Variants in ZEB2 observed in about 807,000 individuals in gnomAD.
ZEB2 encodes the protein zinc finger E-box binding homeobox 2, also known as zinc finger E-box-binding homeobox 2.
ZEB2 carries 6 observed loss-of-function variants against 99.9 expected under a neutral mutation model. The observed-to-expected ratio is 0.06, with a 90% CI of 0.03 to 0.12. The LOEUF (loss-of-function observed/expected upper bound fraction) is 0.12. Ranked by LOEUF, ZEB2 falls within the 10% of genes least tolerant of loss-of-function variation. The pLI is 1.00. For missense variants in ZEB2, 969 were observed against 1,502.8 expected (o/e 0.64, Z 5.87); for synonymous variants, 517 against 542.5 (o/e 0.95, Z 0.65).
intron 2 of ZEB2, chr2:144,470,567 C>A (rs746958772): frequency 2.0e-5 from 3 of 152,162 alleles, no homozygotes; most frequent in Non-Finnish European, 4.4e-5. Context: ...AGGGCTGTTA[C>A]ATTTACTTTG....
chr2:144,411,057 CTATATATATATATA>C lies in ZEB2; in HGVS notation c.404-6047_404-6034del, dbSNP rs4008310. On this transcript the variant is annotated intron_variant, in intron 4 of 9. Coordinates refer to ENST00000627532, the MANE Select transcript of ZEB2 (RefSeq NM_014795.4). ...GTGATTCTGCAATATACAGACATGT[CTATATATATATATA>C]TATATATATATATATATATATATAT... is the stretch of plus-strand genomic sequence containing the variant. 7.1e-3 allele frequency among the ~76,000 whole-genome samples: 288 copies of C among 40,782 alleles called. 8 individuals carry two copies. The South Asian group carries it at 0.11, about 16-fold the overall frequency. The allele number at this position is 40,782 out of a possible 152,430, so 26.8% of individuals were successfully genotyped here.
chr2:144,433,805 T>G (rs933698187), intron 2 of ZEB2, among the ~76,000 whole-genome samples: 1 of 152,208 alleles, frequency 6.6e-6, no homozygotes, highest in East Asian at 1.9e-4. Context: ...TCCTTGCCTA[T>G]ACATATAACT....
intron 2 of ZEB2, among the ~76,000 whole-genome samples, chr2:144,451,535 T>G (rs986994963): frequency 2.6e-5 from 4 of 152,208 alleles, no homozygotes; most frequent in African/African-American, 9.7e-5. Context: ...TAGGAAAACT[T>G]GGAAATTTTG....
At chr2:144,440,505 ATATATATATATTTTTTTTTTTTTTTTTTT>A (rs1209531637) in intron 2 of ZEB2, among the ~76,000 whole-genome samples, 2 of 15,644 alleles carry the variant, frequency 1.3e-4, no homozygotes, top group African/African-American at 4.5e-4. Context: ...ATATATATAT[ATATATATATATTTTTTTTTTTTTTTTTTT>A]TTTTTTTTAA....
intron 1 of ZEB2, 200 bp from the exon 2 acceptor site, chr2:144,517,619 T>C (rs1281869411): frequency 5.1e-6 from 3 of 584,404 alleles, no homozygotes; most frequent in South Asian, 3.1e-5. Flanking sequence ...TACTGTTTGG[T>C]GTGTTGCACC....
chr2:144,484,138 G>A (rs1016406880), intron 2 of ZEB2, among the ~76,000 whole-genome samples: 3 of 148,370 alleles, frequency 2.0e-5, no homozygotes, highest in South Asian at 2.1e-4. Context: ...ATGTGGGCCC[G>A]AAACACCAGA....
chr2:144,409,756 G>A (rs1251922740), intron 4 of ZEB2, among the ~76,000 whole-genome samples: 2 of 152,094 alleles, frequency 1.3e-5, no homozygotes, highest in East Asian at 3.9e-4. Context: ...TGGCATGGTG[G>A]TGCGTGCCTG....
chr2:144,491,611 CTCAGAA>C (rs1341932183), intron 2 of ZEB2, among the ~76,000 whole-genome samples: 5 of 152,100 alleles, frequency 3.3e-5, no homozygotes, highest in Admixed American at 2.0e-4. Context: ...TAAATAGGTA[CTCAGAA>C]CTCAGCATAT....
At chr2:144,459,682 T>C (rs1387627540) in intron 2 of ZEB2, among the ~76,000 whole-genome samples, 3 of 152,198 alleles carry the variant, frequency 2.0e-5, no homozygotes, top group Non-Finnish European at 4.4e-5. Context: ...TGGTCGTTAT[T>C]ATTTCTAAAA....
chr2:144,434,519 T>C (rs1045548154), intron 2 of ZEB2, among the ~76,000 whole-genome samples: 2 of 152,190 alleles, frequency 1.3e-5, no homozygotes, highest in African/African-American at 2.4e-5. Context: ...AGCATGTCTT[T>C]AGGTGTACAA....
chr2:144,505,436 G>A (rs1286239266), intron 2 of ZEB2, among the ~76,000 whole-genome samples: 2 of 152,214 alleles, frequency 1.3e-5, no homozygotes, highest in African/African-American at 4.8e-5. Context: ...AAGCCTGCCA[G>A]AAAAAGGACT....
intron 2 of ZEB2, among the ~76,000 whole-genome samples, chr2:144,467,590 C>T (rs1365160011): frequency 2.0e-5 from 3 of 152,124 alleles, no homozygotes; most frequent in Admixed American, 6.5e-5. Flanking sequence ...TCCCAGTCAA[C>T]TAATAAATAT....
intron 2 of ZEB2, among the ~76,000 whole-genome samples, chr2:144,490,287 A>G (rs969778578): frequency 6.6e-6 from 1 of 152,210 alleles, no homozygotes; most frequent in Non-Finnish European, 1.5e-5. Flanking sequence ...GAGAAAATTA[A>G]ATGAGATAAT....
chr2:144,480,729 AAAAAAAAAAAAG>A (rs777099622), intron 2 of ZEB2, among the ~76,000 whole-genome samples: 2,038 of 61,140 alleles, frequency 0.033, 34 homozygotes, highest in Middle Eastern at 0.079. Context: ...TAAAAGTTAA[AAAAAAAAAAAAG>A]AAAAAAAAGG....
At chr2:144,400,594 G>T (rs1703297466) in intron 7 of ZEB2, among the ~76,000 whole-genome samples, 1 of 152,218 alleles carries the variant, frequency 6.6e-6, no homozygotes, top group Non-Finnish European at 1.5e-5. Flanking sequence ...CAATAAAGAT[G>T]TCACAGTATT....
At chr2:144,434,707 G>A (rs1268954705) in intron 2 of ZEB2, among the ~76,000 whole-genome samples, 1 of 152,136 alleles carries the variant, frequency 6.6e-6, no homozygotes, top group Non-Finnish European at 1.5e-5. Flanking sequence ...TTACTTTCAT[G>A]GATCCCCTTA....
chr2:144,514,597 G>C (rs1432306876), intron 2 of ZEB2: 1 of 152,234 alleles, frequency 6.6e-6, no homozygotes, highest in East Asian at 1.9e-4. Flanking sequence ...ATATGTGTTT[G>C]ATGAGAAAGA....
intron 2 of ZEB2, chr2:144,430,400 T>C: frequency 3.3e-6 from 1 of 299,376 alleles, no homozygotes; most frequent in Non-Finnish European, 6.8e-6. Flanking sequence ...CTTAGAGACA[T>C]GAAGTATTTA....
At chr2:144,398,222 A>ATT (rs34295315) in intron 8 of ZEB2, 79 bp downstream of exon 8, 75 of 1,558,320 alleles carry the variant, frequency 4.8e-5, no homozygotes, top group South Asian at 8.1e-5. Context: ...TTTCACTAAG[A>ATT]TTTTTTTTTC....
Sources: gnomAD v4.1 joint callset for allele counts (sites outside exome capture counted in the v4.1 genomes callset) on GRCh38, gnomAD v4.1.1 for gene constraint, MANE v1.5 for transcripts, NCBI Gene and HGNC (gene_info 2026-07-23, HGNC 2026-07-21) for gene names.